RNF144B: variants seen among roughly 807,000 people sequenced by gnomAD.
RNF144B encodes the protein E3 ubiquitin-protein ligase RNF144B.
In RNF144B, 25 loss-of-function variants were observed where a neutral mutation model predicts 40.2. The ratio of observed to expected loss-of-function variants is 0.62; its 90% CI spans 0.45 to 0.87. The LOEUF (loss-of-function observed/expected upper bound fraction) is 0.87. Ranked by LOEUF, RNF144B falls within the 40% of genes least tolerant of loss-of-function variation. The pLI, the probability that RNF144B is intolerant of heterozygous loss-of-function variation, is 0.00. For synonymous variants in RNF144B, 145 were observed against 136.3 expected (o/e 1.06, Z -0.44); for missense variants, 365 against 373.7 (o/e 0.98, Z 0.19).
intron 1 of RNF144B, among the ~76,000 whole-genome samples, chr6:18,387,931 A>G (rs1201920825): frequency 6.6e-6 from 1 of 152,214 alleles, no homozygotes. Context: ...AGGGGAGACC[A>G]AAAGTTGGCA....
chr6:18,404,477 G>GT (rs1253579680), intron 2 of RNF144B, among the ~76,000 whole-genome samples: 1 of 152,150 alleles, frequency 6.6e-6, no homozygotes, highest in African/African-American at 2.4e-5. Context: ...GTGCTGAGCT[G>GT]TTACGTTCTT....
At chr6:18,407,680 G>A (rs1794941114) in intron 2 of RNF144B, among the ~76,000 whole-genome samples, 1 of 152,090 alleles carries the variant, frequency 6.6e-6, no homozygotes. Context: ...AAATAAAATT[G>A]GTTAGAATCT....
chr6:18,462,208 T>C lies in RNF144B; in HGVS notation c.682-1083T>C, dbSNP rs557140780. Among the ~76,000 whole-genome samples the C allele has an allele frequency of 3.3e-5, 5 of 152,322 alleles. No homozygotes were observed. The East Asian group carries it at 9.6e-4, about 29-fold the overall frequency. ...CCTAATCACCTCTTGCTACTGACAT[T>C]ACTTACCTTCCAAATACTGCAATGT... On this transcript the variant is annotated intron_variant, in intron 6 of 7. Transcript: ENST00000259939.
intron 2 of RNF144B, among the ~76,000 whole-genome samples, chr6:18,411,578 A>G (rs545770102): frequency 8.1e-6 from 1 of 123,248 alleles, no homozygotes; most frequent in African/African-American, 3.2e-5. Flanking sequence ...ATCTCGGCTC[A>G]TTGCAATCTC....
Position 18,456,914 on chromosome 6 carries a change from G to A in RNF144B, c.332-241G>A, listed in dbSNP as rs1402329073. Among the ~76,000 whole-genome samples, 1 of 151,984 alleles carries A rather than the reference G, an allele frequency of 6.6e-6. No homozygotes were observed. The highest frequency in any genetic ancestry group is 2.4e-5 in the African/African-American group (1 of 41,388). On this transcript the variant is annotated intron_variant, in intron 4 of 7. Transcript: ENST00000259939. This position sits in a 1 kb window ranked among gnomAD's most constrained non-coding sequence, Gnocchi z 4.7. ...CTGTCTCTACTAAAAATACAAAAAT[G>A]AGCCAGGCGTGATGGTGCGCACCTG...
chr6:18,394,814 C>T (rs1201723630), intron 1 of RNF144B, among the ~76,000 whole-genome samples: 1 of 152,182 alleles, frequency 6.6e-6, no homozygotes, highest in Non-Finnish European at 1.5e-5. Flanking sequence ...ACTTGCTTCT[C>T]ATATAATGAA....
In RNF144B at chr6:18,466,641, G is replaced by T. The variant is rs889678719; in HGVS notation, c.*1574G>T. The T allele has an allele frequency of 6.6e-6, 1 of 152,588 alleles. No homozygotes were observed. Among genetic ancestry groups the T allele is most frequent in the East Asian group, 1.9e-4 (1 of 5,190 alleles). 9.5% of individuals were successfully genotyped at this position (152,588 alleles called of 1,614,324 possible). On this transcript the variant is annotated 3_prime_UTR_variant, in exon 8 of 8. Coordinates refer to ENST00000259939, the MANE Select transcript of RNF144B (RefSeq NM_182757.4). ...TTACTGGAGAGTTCTTGAAGCCAGGGATACCATATCAGGAACTATTCAGGA... is the reference window on the plus strand; with the variant it reads ...TTACTGGAGAGTTCTTGAAGCCAGGTATACCATATCAGGAACTATTCAGGA...
intron 4 of RNF144B, among the ~76,000 whole-genome samples, chr6:18,440,942 T>C (rs1268092415): frequency 1.3e-5 from 2 of 151,712 alleles, no homozygotes; most frequent in African/African-American, 4.8e-5. Flanking sequence ...GGTGGGTACG[T>C]TTTTGCTCTA....
At chr6:18,429,587 G>A (rs538588314) in intron 3 of RNF144B, among the ~76,000 whole-genome samples, 1 of 134,416 alleles carries the variant, frequency 7.4e-6, no homozygotes, top group East Asian at 2.6e-4. Context: ...AGGTAATATC[G>A]AGTATGTAAA....
At chr6:18,396,428 AGAGT>A in intron 1 of RNF144B, 1 of 981,744 alleles carries the variant, frequency 1.0e-6, no homozygotes. Context: ...AAAATAATAT[AGAGT>A]AAGACTGAGA....
chr6:18,449,719 T>C (rs1308531894), intron 4 of RNF144B, among the ~76,000 whole-genome samples: 4 of 138,172 alleles, frequency 2.9e-5, no homozygotes, highest in Non-Finnish European at 6.6e-5. Flanking sequence ...ATATACATTG[T>C]GGATATAACT....
rs1439163411 is a variant in RNF144B at position 18,467,026 on chromosome 6, ATG to A, written c.*1961_*1962del. Reference sequence around the variant, plus strand: ...GAAAAAAACACTATCAGTGTAGTTCATGTTAGTATAATTATAGATTTACATAT... The same window carrying A: ...GAAAAAAACACTATCAGTGTAGTTCATTAGTATAATTATAGATTTACATAT... On this transcript the variant is annotated 3_prime_UTR_variant, in exon 8 of 8. Transcript: ENST00000259939. 9.6e-5 allele frequency: 10 copies of A among 103,906 alleles called. No homozygotes were observed. The highest frequency in any genetic ancestry group is 2.3e-5 in the Non-Finnish European group (1 of 43,998). The allele number at this position is 103,906 out of a possible 1,614,324, so 6.4% of individuals were successfully genotyped here.
chr6:18,404,740 T>C (rs1440036894), intron 2 of RNF144B, among the ~76,000 whole-genome samples: 1 of 152,128 alleles, frequency 6.6e-6, no homozygotes, highest in Non-Finnish European at 1.5e-5. Context: ...TGACAGTAAA[T>C]AGATGAGCAC....
intron 4 of RNF144B, among the ~76,000 whole-genome samples, chr6:18,440,723 G>GGTT (rs10670327): frequency 0.95 from 143,778 of 151,420 alleles, 68,505 homozygotes; most frequent in East Asian, 1. Flanking sequence ...GGGATACATA[G>GGTT]GTTAATAGCA....
intron 2 of RNF144B, among the ~76,000 whole-genome samples, chr6:18,399,910 A>G (rs2113462097): frequency 6.6e-6 from 1 of 152,244 alleles, no homozygotes; most frequent in Middle Eastern, 3.4e-3. Flanking sequence ...TTTATGTTTG[A>G]AATTTAATTA....
rs1554182738 is a variant in RNF144B at position 18,467,404 on chromosome 6, T to TTTTG, written c.*2340_*2341insGTTT. On this transcript the variant is annotated 3_prime_UTR_variant, in exon 8 of 8. Coordinates refer to ENST00000259939, the MANE Select transcript of RNF144B (RefSeq NM_182757.4). ...ATCACTGAATTAGCTGCTTTTGTTTTTTTTTTTTTTTTTTTGCCAGGGCTA... is the reference window on the plus strand; with the variant it reads ...ATCACTGAATTAGCTGCTTTTGTTTTTTTGTTTTTTTTTTTTTTTGCCAGGGCTA... The TTTTG allele has an allele frequency of 5.4e-5, 7 of 129,684 alleles. No homozygotes were observed. Among genetic ancestry groups the TTTTG allele is most frequent in the African/African-American group, 1.6e-4 (6 of 37,508 alleles). 8.0% of individuals were successfully genotyped at this position (129,684 alleles called of 1,614,324 possible).
rs1759549946 is a variant in RNF144B at position 18,465,131 on chromosome 6, C to T, written c.*64C>T. 3 of 1,548,096 alleles carry T rather than the reference C, an allele frequency of 1.9e-6. No homozygotes were observed. Among genetic ancestry groups the T allele is most frequent in the Admixed American group, 3.6e-5 (2 of 55,828 alleles). On this transcript the variant is annotated 3_prime_UTR_variant, in exon 8 of 8. Coordinates refer to ENST00000259939, the MANE Select transcript of RNF144B (RefSeq NM_182757.4). Reference sequence around the variant, plus strand: ...ATGAGATGGCACAGTGATAAAGCCCCATTTAGTGACCTTGCCTCCTTCTCC... The same window carrying T: ...ATGAGATGGCACAGTGATAAAGCCCTATTTAGTGACCTTGCCTCCTTCTCC...
At chr6:18,417,230 C>G (rs1055142694) in intron 2 of RNF144B, among the ~76,000 whole-genome samples, 2 of 152,068 alleles carry the variant, frequency 1.3e-5, no homozygotes, top group Non-Finnish European at 2.9e-5. Context: ...CTAGGCTTAT[C>G]CCAAAATTCC....
In RNF144B at chr6:18,422,292, CTG is replaced by C. The variant is rs1038506189; in HGVS notation, c.166-5288_166-5287del. 4.6e-5 allele frequency among the ~76,000 whole-genome samples: 7 copies of C among 152,090 alleles called. No homozygotes were observed. The highest frequency in any genetic ancestry group is 1.7e-4 in the African/African-American group (7 of 41,406). Reference sequence around the variant, plus strand: ...TTGGATCATGTGTACAGATCATAGTCTGAAGTGGAATAAGCAGAATGTTGTTC... The same window carrying C: ...TTGGATCATGTGTACAGATCATAGTCAAGTGGAATAAGCAGAATGTTGTTC... On this transcript the variant is annotated intron_variant, in intron 2 of 7. Coordinates refer to ENST00000259939, the MANE Select transcript of RNF144B (RefSeq NM_182757.4). The surrounding 1 kb of genome is among the most constrained non-coding windows in gnomAD (Gnocchi z 4.7).
Sources: gnomAD v4.1 joint callset for allele counts (sites outside exome capture counted in the v4.1 genomes callset) on GRCh38, gnomAD v4.1.1 for gene constraint, Gnocchi (gnomAD v3.1) non-coding constraint, MANE v1.5 for transcripts, NCBI Gene and HGNC (gene_info 2026-07-23, HGNC 2026-07-21) for gene names.